IL1A: variants seen among roughly 807,000 people sequenced by gnomAD.
IL1A encodes interleukin 1 alpha, also known as interleukin-1 alpha.
A neutral mutation model predicts 22.2 loss-of-function variants in IL1A; 16 were observed. The observed-to-expected ratio is 0.72, with a 90% CI of 0.49 to 1.09. IL1A has a LOEUF of 1.09. IL1A is among the 50% of genes least tolerant of loss of function. The pLI is 0.00. For synonymous variants in IL1A, 113 were observed against 118.5 expected (o/e 0.95, Z 0.30); for missense variants, 317 against 321.8 (o/e 0.99, Z 0.11).
At chr2:112,776,194 T>C (rs1681098618) in intron 6 of IL1A, among the ~76,000 whole-genome samples, 1 of 152,242 alleles carries the variant, frequency 6.6e-6, no homozygotes, top group African/African-American at 2.4e-5. Context: ...CTGATCTGTT[T>C]TCTATTTTAG....
At chr2:112,781,538 T>C in intron 4 of IL1A, 66 bp downstream of exon 4, 1 of 1,267,376 alleles carries the variant, frequency 7.9e-7, no homozygotes, top group Non-Finnish European at 1.2e-6. Context: ...AATTTTCCCC[T>C]AAATTCTACT....
chr2:112,783,218 G>A (rs1681245039), intron 2 of IL1A, among the ~76,000 whole-genome samples: 1 of 152,192 alleles, frequency 6.6e-6, no homozygotes, highest in Non-Finnish European at 1.5e-5. Flanking sequence ...GTTTGTGTTA[G>A]TATTTACTAC....
At chr2:112,780,962 G>A (rs1248223128) in intron 4 of IL1A, among the ~76,000 whole-genome samples, 2 of 151,944 alleles carry the variant, frequency 1.3e-5, no homozygotes, top group Admixed American at 6.6e-5. Context: ...AGAGCTTGCA[G>A]TGAGCCGAGA....
intron 3 of IL1A, 52 bp downstream of exon 3, chr2:112,782,664 A>T: frequency 7.6e-7 from 1 of 1,317,372 alleles, no homozygotes; most frequent in Non-Finnish European, 1.1e-6. Context: ...TTGGATGAAG[A>T]AACCACTGTG....
At chr2:112,777,861 C>G in intron 6 of IL1A, 126 bp downstream of exon 6, 1 of 883,236 alleles carries the variant, frequency 1.1e-6, no homozygotes, top group Non-Finnish European at 1.8e-6. Flanking sequence ...GTGGGGTGGG[C>G]AGGTGGGGGC....
Position 112,779,611 on chromosome 2 carries a change from G to C in IL1A, c.375C>G (p.Asn125Lys), listed in dbSNP as rs372496657. 1.2e-6 allele frequency: 2 copies of C among 1,612,888 alleles called. No individual in the cohort carries two copies. Among genetic ancestry groups the C allele is most frequent in the South Asian group, 2.2e-5 (2 of 91,044 alleles). ...PFSFLSNVKYNFMRIIKYEFI... is the reference protein window; with the variant it reads ...PFSFLSNVKYKFMRIIKYEFI... The stretch of plus-strand genomic sequence containing the variant: ...ATTCGTATTTGATGATCCTCATAAA[G>C]TTGTATTTCACATTGCTCAGGAAGC... Residue 125 changes from asparagine to lysine, a missense_variant, in exon 5 of 7, where the codon AAC becomes AAG. Asn to Lys is a moderately conservative substitution (Grantham distance 94). Coordinates refer to ENST00000263339, the MANE Select transcript of IL1A (RefSeq NM_000575.5).
Position 112,781,631 on chromosome 2 carries a change from C to G in IL1A, c.292G>C (p.Glu98Gln). 1 of 1,613,952 alleles carries G rather than the reference C, an allele frequency of 6.2e-7. No homozygotes were observed. Among genetic ancestry groups the G allele is most frequent in the Non-Finnish European group, 8.5e-7 (1 of 1,179,786 alleles). ...TCCTCTGAGTCATTGGCGATGGCCT[C>G]CAGGTCATCATCAGTGATGGATTGG... ...LSQSITDDDL[E>Q]AIANDSEEEI... The change falls in exon 4 of 7, where the codon GAG becomes CAG. Residue 98 changes from glutamate to glutamine, a missense_variant. Coordinates refer to ENST00000263339, the MANE Select transcript of IL1A (RefSeq NM_000575.5).
Position 112,777,943 on chromosome 2 carries a change from A to G in IL1A, c.615+44T>C. 1.2e-6 allele frequency: 2 copies of G among 1,605,256 alleles called. 1 individual carries two copies. Among genetic ancestry groups the G allele is most frequent in the South Asian group, 2.2e-5 (2 of 90,644 alleles). On this transcript the variant is annotated intron_variant, in intron 6 of 6. Coordinates refer to ENST00000263339, the MANE Select transcript of IL1A (RefSeq NM_000575.5). ...GCCTATTGGGCTTATTTACAAACATATGAGATGTAAATGAAGGTAAGTTGG... is the reference window on the plus strand; with the variant it reads ...GCCTATTGGGCTTATTTACAAACATGTGAGATGTAAATGAAGGTAAGTTGG...
In IL1A at chr2:112,781,818, G is replaced by A. The variant is rs997908815; in HGVS notation, c.105C>T (p.Phe35=). The A allele has an allele frequency of 1.5e-5, 24 of 1,612,352 alleles. No individual in the cohort carries two copies. The highest frequency in any genetic ancestry group is 2.0e-5 in the Non-Finnish European group (24 of 1,178,478). Residue 35 remains phenylalanine, a synonymous_variant, in exon 4 of 7, where the codon TTC becomes TTT. Coordinates refer to ENST00000263339, the MANE Select transcript of IL1A (RefSeq NM_000575.5). ...GGAGTGGGCCATAGCTTACATGATA[G>A]AAGGATTTCTGTGAGGAAGGAAAAC... is the stretch of plus-strand genomic sequence containing the variant. The part of the protein sequence containing the change: ...IDHLSLNQKS[F]YHVSYGPLHE...
chr2:112,779,417 G>T (rs1035714873), intron 5 of IL1A, 79 bp downstream of exon 5: 3 of 1,216,992 alleles, frequency 2.5e-6, no homozygotes, highest in African/African-American at 3.0e-5. Flanking sequence ...TTTTTTGCAA[G>T]CAGAAAGATT....
chr2:112,775,055 G>T lies in IL1A; in HGVS notation c.*12C>A. On this transcript the variant is annotated 3_prime_UTR_variant, in exon 7 of 7. Transcript: ENST00000263339. ...TCAACACTGCACAAGTGAGACAAGT[G>T]AGACTCCAGACCTACGCCTGGTTTT... is the stretch of plus-strand genomic sequence containing the variant. 1.9e-6 allele frequency: 3 copies of T among 1,610,240 alleles called. No individual in the cohort carries two copies. The highest frequency in any genetic ancestry group is 2.5e-6 in the Non-Finnish European group (3 of 1,176,814).
chr2:112,777,383 C>A (rs1407177727), intron 6 of IL1A, among the ~76,000 whole-genome samples: 1 of 152,148 alleles, frequency 6.6e-6, no homozygotes, highest in East Asian at 1.9e-4. Flanking sequence ...AATAGAAGGT[C>A]TTGGATTATA....
rs777576010 is a variant in IL1A at position 112,781,821 on chromosome 2, G to A, written c.102C>T (p.Ser34=). Residue 34 remains serine (S), a synonymous_variant, in exon 4 of 7, where the codon TCC becomes TCT. Transcript: ENST00000263339. The stretch of plus-strand genomic sequence containing the variant: ...GTGGGCCATAGCTTACATGATAGAA[G>A]GATTTCTGTGAGGAAGGAAAACAGA... ...SIDHLSLNQK[S]FYHVSYGPLH... 8.1e-6 allele frequency: 13 copies of A among 1,611,696 alleles called. No individual in the cohort carries two copies. In the East Asian group the frequency reaches 2.2e-4, roughly 28 times the overall value.
At position 112,783,892 on chromosome 2, in the gene IL1A, A is replaced by G. The variant is rs1362409827; in HGVS notation, c.-8-114T>C. On this transcript the variant is annotated intron_variant, in intron 1 of 6. Transcript: ENST00000263339. Reference sequence around the variant, plus strand: ...AAAACTTTGTTGAATGACTTAGTCCACATTCAGCATTTTCTCCATCTTCTA... The same window carrying G: ...AAAACTTTGTTGAATGACTTAGTCCGCATTCAGCATTTTCTCCATCTTCTA... The G allele has an allele frequency of 3.5e-6, 3 of 864,512 alleles. No individual in the cohort carries two copies. The East Asian group carries it at 7.3e-5, about 21-fold the overall frequency. The allele number at this position is 864,512 out of a possible 1,614,324, so 53.6% of individuals were successfully genotyped here.
chr2:112,776,448 G>A lies in IL1A; in HGVS notation c.616-1181C>T, dbSNP rs188089057. On this transcript the variant is annotated intron_variant, in intron 6 of 6. Coordinates refer to ENST00000263339, the MANE Select transcript of IL1A (RefSeq NM_000575.5). ...GAATGTCCCAAAAACCCACAACCAT[G>A]ACCCGCCCCCTCCTCTGAATGTCCT... Among the ~76,000 whole-genome samples the A allele has an allele frequency of 1.5e-3, 203 of 135,004 alleles. 12 individuals are homozygous for A. Among genetic ancestry groups the A allele is most frequent in the African/African-American group, 5.3e-3 (188 of 35,668 alleles). The allele number at this position is 135,004 out of a possible 152,430, so 88.6% of individuals were successfully genotyped here. A position where few individuals can be genotyped will look rare whatever the true frequency, so the allele number is the denominator to read the frequency against.
In IL1A at chr2:112,777,972, C is replaced by A. The variant is rs763998531; in HGVS notation, c.615+15G>T. On this transcript the variant is annotated intron_variant, in intron 6 of 6. Coordinates refer to ENST00000263339, the MANE Select transcript of IL1A (RefSeq NM_000575.5). ...GATGTAAATGAAGGTAAGTTGGAGA[C>A]AAAGGACAACTGACCTTCAGCAGCA... The A allele has an allele frequency of 6.2e-7, 1 of 1,613,504 alleles. No homozygotes were observed. Among genetic ancestry groups the A allele is most frequent in the Non-Finnish European group, 8.5e-7 (1 of 1,179,722 alleles).
At chr2:112,782,660 G>T in intron 3 of IL1A, 56 bp downstream of exon 3, 3 of 1,274,860 alleles carry the variant, frequency 2.4e-6, no homozygotes, top group Non-Finnish European at 3.4e-6. Context: ...CTCTTTGGAT[G>T]AAGAAACCAC....
At position 112,779,485 on chromosome 2, in the gene IL1A, T is replaced by C. The variant is rs2104908283; in HGVS notation, c.490+11A>G. On this transcript the variant is annotated intron_variant, in intron 5 of 6. Coordinates refer to ENST00000263339, the MANE Select transcript of IL1A (RefSeq NM_000575.5). The stretch of plus-strand genomic sequence containing the variant: ...AGGATGACAGAAATGTCTGGTGCCA[T>C]TTTAATGTACCTGCTTCATCCAGAT... 6.4e-7 allele frequency: 1 copy of C among 1,553,772 alleles called. No homozygotes were observed. Among genetic ancestry groups the C allele is most frequent in the East Asian group, 2.3e-5 (1 of 43,610 alleles).
Position 112,777,965 on chromosome 2 carries a change from T to C in IL1A, c.615+22A>G, listed in dbSNP as rs188558343. ...CATATGAGATGTAAATGAAGGTAAG[T>C]TGGAGACAAAGGACAACTGACCTTC... On this transcript the variant is annotated intron_variant, in intron 6 of 6. Transcript: ENST00000263339. 1.5e-5 allele frequency: 24 copies of C among 1,613,406 alleles called. No homozygotes were observed. The Admixed American group carries it at 3.3e-4, about 22-fold the overall frequency.
Sources: allele counts gnomAD v4.1 joint callset (sites outside exome capture counted in the v4.1 genomes callset), GRCh38; gene constraint gnomAD v4.1.1; transcripts MANE v1.5; gene names NCBI Gene and HGNC (gene_info 2026-07-23, HGNC 2026-07-21).